The following ARB2A variants were observed in gnomAD, a reference collection of about 807,000 sequenced individuals.
ARB2A encodes the protein cotranscriptional regulator ARB2A.
At chr5:94,031,695 T>C in the ARB2A span, among the ~76,000 whole-genome samples, 1 of 152,202 alleles carries the variant, frequency 6.6e-6, no homozygotes, top group Non-Finnish European at 1.5e-5. Flanking sequence ...ATCAAAGCAA[T>C]GACTAAAAGG....
chr5:93,672,960 GAAACC>G, the ARB2A span, among the ~76,000 whole-genome samples: 2 of 152,210 alleles, frequency 1.3e-5, no homozygotes, highest in South Asian at 2.1e-4. Context: ...AGCTACTGCA[GAAACC>G]AAACCAAACC....
At chr5:93,975,805 CCCTGG>C in the ARB2A span, among the ~76,000 whole-genome samples, 2 of 152,042 alleles carry the variant, frequency 1.3e-5, no homozygotes, top group South Asian at 4.2e-4. Context: ...CCAAAAAAAG[CCCTGG>C]AACAGATTGA....
At chr5:94,071,436 C>G in the ARB2A span, among the ~76,000 whole-genome samples, 4 of 151,798 alleles carry the variant, frequency 2.6e-5, no homozygotes, top group Non-Finnish European at 4.4e-5. Context: ...TACGAAAGAC[C>G]TGTTAAGAGG....
the ARB2A span, among the ~76,000 whole-genome samples, chr5:93,621,423 T>C: frequency 6.6e-6 from 1 of 152,180 alleles, no homozygotes; most frequent in Non-Finnish European, 1.5e-5. Flanking sequence ...GTCTCCGGCC[T>C]CAGTCCCCAT....
chr5:93,937,426 C>T, the ARB2A span, among the ~76,000 whole-genome samples: 3 of 149,482 alleles, frequency 2.0e-5, no homozygotes, highest in Non-Finnish European at 4.5e-5. Flanking sequence ...CATGGTGAAA[C>T]CCCATCTCTA....
At chr5:93,948,986 C>T in the ARB2A span, among the ~76,000 whole-genome samples, 1 of 152,160 alleles carries the variant, frequency 6.6e-6, no homozygotes, top group East Asian at 2.0e-4. Context: ...AGTTTTAGCT[C>T]CCACCTCTCA....
At chr5:93,645,576 G>GAAAAAA in the ARB2A span, among the ~76,000 whole-genome samples, 1 of 90,118 alleles carries the variant, frequency 1.1e-5, no homozygotes, top group African/African-American at 3.4e-5. Flanking sequence ...CCGTCTCAAA[G>GAAAAAA]AAAAAAAAAA....
the ARB2A span, among the ~76,000 whole-genome samples, chr5:93,832,306 C>T: frequency 1.8e-4 from 27 of 152,296 alleles, no homozygotes; most frequent in African/African-American, 6.3e-4. Flanking sequence ...TTTGCAATAA[C>T]TCCATAGGTA....
the ARB2A span, among the ~76,000 whole-genome samples, chr5:93,904,620 T>C: frequency 1.3e-5 from 2 of 151,800 alleles, no homozygotes; most frequent in African/African-American, 4.8e-5. Flanking sequence ...GTGTGGACAT[T>C]TACAAATGCA....
chr5:93,811,206 C>A, the ARB2A span, among the ~76,000 whole-genome samples: 2 of 152,106 alleles, frequency 1.3e-5, no homozygotes, highest in Non-Finnish European at 2.9e-5. Context: ...CAAAAAAGAG[C>A]CAACCAGGGG....
the ARB2A span, among the ~76,000 whole-genome samples, chr5:93,687,324 T>A: frequency 6.6e-6 from 1 of 152,234 alleles, no homozygotes. Flanking sequence ...ACAATTTGGC[T>A]ATAATTTTCC....
the ARB2A span, chr5:93,740,742 T>G: frequency 6.2e-7 from 1 of 1,612,622 alleles, no homozygotes; most frequent in Non-Finnish European, 8.5e-7. Context: ...CAATCTCCCG[T>G]GGGGAAGCAT....
chr5:93,843,970 T>C, the ARB2A span, among the ~76,000 whole-genome samples: 1 of 151,914 alleles, frequency 6.6e-6, no homozygotes, highest in Non-Finnish European at 1.5e-5. Flanking sequence ...GAAATATATA[T>C]GTATAGAAAG....
chr5:93,968,838 G>C, the ARB2A span, among the ~76,000 whole-genome samples: 6 of 151,974 alleles, frequency 3.9e-5, no homozygotes, highest in African/African-American at 1.4e-4. Flanking sequence ...GAGGAACAAG[G>C]ATGAGAATTA....
the ARB2A span, among the ~76,000 whole-genome samples, chr5:93,958,226 TC>T: frequency 3.3e-5 from 5 of 152,080 alleles, no homozygotes; most frequent in Non-Finnish European, 5.9e-5. Context: ...ATTCTGTATG[TC>T]TATGTCTCAT....
chr5:93,798,717 G>A, the ARB2A span, among the ~76,000 whole-genome samples: 1 of 152,036 alleles, frequency 6.6e-6, no homozygotes, highest in African/African-American at 2.4e-5. Context: ...GTGTGACATG[G>A]GATAACACCA....
chr5:93,668,664 C>T, the ARB2A span, among the ~76,000 whole-genome samples: 2 of 152,142 alleles, frequency 1.3e-5, no homozygotes, highest in Non-Finnish European at 2.9e-5. Context: ...GTTTTAGGAA[C>T]AGTGGATAGG....
the ARB2A span, among the ~76,000 whole-genome samples, chr5:94,109,155 T>A: frequency 6.6e-6 from 1 of 152,218 alleles, no homozygotes; most frequent in Non-Finnish European, 1.5e-5. Flanking sequence ...GGAGACATTA[T>A]ACTAAGTGAA....
At chr5:94,094,233 C>T in the ARB2A span, among the ~76,000 whole-genome samples, 1 of 152,194 alleles carries the variant, frequency 6.6e-6, no homozygotes, top group Non-Finnish European at 1.5e-5. Context: ...AGAAGTCCTA[C>T]ATCAAGGTCC....
Sources: allele counts gnomAD v4.1 joint callset (sites outside exome capture counted in the v4.1 genomes callset), GRCh38; gene constraint gnomAD v4.1.1; transcripts MANE v1.5; gene names NCBI Gene and HGNC (gene_info 2026-07-23, HGNC 2026-07-21).